The following TARS3 variants were observed in gnomAD, a reference collection of about 807,000 sequenced individuals.
TARS3 encodes threonyl-tRNA synthetase 3.
In TARS3, 94 loss-of-function variants were observed where a neutral mutation model predicts 103.5. That is an observed-to-expected ratio of 0.91 (90% CI 0.77 to 1.08). The LOEUF is 1.08. Ranked by LOEUF, TARS3 falls within the 50% of genes least tolerant of loss-of-function variation. TARS3 has a pLI of 0.00. For synonymous variants in TARS3, 416 were observed against 355.4 expected (o/e 1.17, Z -1.92); for missense variants, 952 against 995.2 (o/e 0.96, Z 0.58).
intron 15 of TARS3, among the ~76,000 whole-genome samples, chr15:101,669,868 C>T (rs1897728897): frequency 6.6e-6 from 1 of 152,202 alleles, no homozygotes; most frequent in Non-Finnish European, 1.5e-5. Context: ...AATCTAGAAA[C>T]AGACCCACAT....
rs531340096 is a variant in TARS3 at position 101,724,098 on chromosome 15, C to T, written c.290G>A (p.Gly97Asp). ...SAELEAAQEA[G>D]AQPPPSQSQD... ...TCCCCACCGCCCGGTTACCTGTGCGCCGGCCTCCTGCGCCGCCTCTAGCTC... is the reference window on the plus strand; with the variant it reads ...TCCCCACCGCCCGGTTACCTGTGCGTCGGCCTCCTGCGCCGCCTCTAGCTC... Residue 97 changes from glycine to aspartate, a missense_variant, in exon 1 of 19, where the codon GGC becomes GAC. Physicochemically the swap from Gly to Asp is moderately conservative, Grantham distance 94 (BLOSUM62 -1). This residue lies in a region of TARS3 where 412 missense variants were observed against 364.2 expected (regional missense o/e 1.13). Transcript: ENST00000335968. The T allele has an allele frequency of 6.6e-6, 9 of 1,368,096 alleles. No individual in the cohort carries two copies. Among genetic ancestry groups the T allele is most frequent in the Non-Finnish European group, 8.5e-6 (9 of 1,062,164 alleles). The allele number at this position is 1,368,096 out of a possible 1,614,324, so 84.7% of individuals were successfully genotyped here.
Position 101,722,642 on chromosome 15 carries a change from T to TAAAA in TARS3, c.369+447_369+450dup, listed in dbSNP as rs35018220. Among the ~76,000 whole-genome samples, 25 of 58,752 alleles carry TAAAA rather than the reference T, an allele frequency of 4.3e-4. 1 individual carries two copies. Among genetic ancestry groups the TAAAA allele is most frequent in the East Asian group, 1.0e-3 (2 of 1,950 alleles). 38.5% of individuals were successfully genotyped at this position (58,752 alleles called of 152,430 possible). The stretch of plus-strand genomic sequence containing the variant: ...TAACACGGTGAAACCCCATCTCTAC[T>TAAAA]AAAAAAAAAAAAAAAAAAAAAAAAA... On this transcript the variant is annotated intron_variant, in intron 2 of 18. Coordinates refer to ENST00000335968, the MANE Select transcript of TARS3 (RefSeq NM_152334.3).
At chr15:101,674,035 A>G (rs192969842) in intron 13 of TARS3, among the ~76,000 whole-genome samples, 1 of 152,344 alleles carries the variant, frequency 6.6e-6, no homozygotes, top group East Asian at 1.9e-4. Context: ...AAATTCCAGA[A>G]ATAAACAACT....
At chr15:101,722,642 TAAAAAAAAAAA>T (rs35018220) in intron 2 of TARS3, among the ~76,000 whole-genome samples, 2 of 58,752 alleles carry the variant, frequency 3.4e-5, no homozygotes, top group Admixed American at 2.5e-4. Context: ...CCATCTCTAC[TAAAAAAAAAAA>T]AAAAAAAAAA....
In TARS3 at chr15:101,717,944, A is replaced by G. The variant is rs189537114; in HGVS notation, c.567-2981T>C. Among the ~76,000 whole-genome samples the G allele has an allele frequency of 3.7e-3, 559 of 152,374 alleles. 3 individuals carry two copies. Among genetic ancestry groups the G allele is most frequent in the African/African-American group, 9.3e-3 (388 of 41,588 alleles). On this transcript the variant is annotated intron_variant, in intron 3 of 18. Transcript: ENST00000335968. ...GCACTGGCTTAACAGACTGGCAGTGAGTAACAAGGAAACAGATTCTAACAT... is the reference window on the plus strand; with the variant it reads ...GCACTGGCTTAACAGACTGGCAGTGGGTAACAAGGAAACAGATTCTAACAT...
chr15:101,676,620 TCCC>T (rs1442002112), intron 12 of TARS3, among the ~76,000 whole-genome samples: 12 of 152,066 alleles, frequency 7.9e-5, no homozygotes, highest in Non-Finnish European at 1.6e-4. Flanking sequence ...TGCCTCAGGC[TCCC>T]GAGTAGCTGG....
chr15:101,655,027 C>T lies in TARS3; in HGVS notation c.2261-297G>A, dbSNP rs8027317. 8.0e-3 allele frequency among the ~76,000 whole-genome samples: 1,150 copies of T among 143,728 alleles called. 9 individuals are homozygous for T. The highest frequency in any genetic ancestry group is 0.029 in the African/African-American group (1,102 of 38,448). The allele number at this position is 143,728 out of a possible 152,430, so 94.3% of individuals were successfully genotyped here. On this transcript the variant is annotated intron_variant, in intron 18 of 18. Coordinates refer to ENST00000335968, the MANE Select transcript of TARS3 (RefSeq NM_152334.3). ...CCTGGCACTAGGGCGCAAATGAGAG[C>T]GGGGAGCTCTTACAGGCTCACAGTG...
At position 101,654,688 on chromosome 15, in the gene TARS3, C is replaced by T. The variant is rs756919167; in HGVS notation, c.2303G>A (p.Arg768Gln). Reference protein sequence around the residue: ...KEKIDNAVNVRTRDNKIHGEI... With the variant: ...KEKIDNAVNVQTRDNKIHGEI... ...TCCATGAATTTTGTTGTCTCTTGTT[C>T]GCACGTTTACAGCATTATCTATCTT... is the stretch of plus-strand genomic sequence containing the variant. The change falls in exon 19 of 19, where the codon CGA becomes CAA. Residue 768 changes from arginine (R) to glutamine (Q), a missense_variant. Physicochemically the swap from Arg to Gln is conservative, Grantham distance 43. This residue lies in a region of TARS3 where 540 missense variants were observed against 631.0 expected (regional missense o/e 0.86). Coordinates refer to ENST00000335968, the MANE Select transcript of TARS3 (RefSeq NM_152334.3). 59 of 1,613,894 alleles carry T rather than the reference C, an allele frequency of 3.7e-5. No individual in the cohort carries two copies. Among genetic ancestry groups the T allele is most frequent in the South Asian group, 3.2e-4 (29 of 91,066 alleles).
At chr15:101,708,588 C>T (rs894018988) in intron 6 of TARS3, among the ~76,000 whole-genome samples, 1 of 152,096 alleles carries the variant, frequency 6.6e-6, no homozygotes, top group Non-Finnish European at 1.5e-5. Flanking sequence ...TGGCCCTTTA[C>T]CTACCTATGT....
rs780660792 is a variant in TARS3, at chr15:101,662,191, G to A, written c.1968-375C>T. On this transcript the variant is annotated intron_variant, in intron 15 of 18. Coordinates refer to ENST00000335968, the MANE Select transcript of TARS3 (RefSeq NM_152334.3). The stretch of plus-strand genomic sequence containing the variant: ...CATTTTTAAAATGTTCCTGATATGT[G>A]TTCTTGAAGTCCACTGGTCAAATTC... Among the ~76,000 whole-genome samples, 32 of 152,074 alleles carry A rather than the reference G, an allele frequency of 2.1e-4. No homozygotes were observed. In the South Asian group the frequency reaches 2.5e-3, roughly 12 times the overall value.
chr15:101,658,311 C>CAAAAAAAAAAAAAAAAAA (rs36121104), intron 16 of TARS3, among the ~76,000 whole-genome samples: 1 of 70,152 alleles, frequency 1.4e-5, no homozygotes, highest in Non-Finnish European at 2.5e-5. Context: ...ACACCATCAG[C>CAAAAAAAAAAAAAAAAAA]AAAAAAAAAA....
intron 10 of TARS3, among the ~76,000 whole-genome samples, chr15:101,692,668 C>T (rs1898778740): frequency 6.6e-6 from 1 of 152,168 alleles, no homozygotes; most frequent in Non-Finnish European, 1.5e-5. Context: ...AGTATTACTA[C>T]TCCATCTCCT....
chr15:101,722,233 TC>T (rs1291016929), intron 2 of TARS3, among the ~76,000 whole-genome samples: 23 of 138,978 alleles, frequency 1.7e-4, no homozygotes, highest in Non-Finnish European at 8.1e-5. Flanking sequence ...TTTTTTTTTT[TC>T]CTTTGAGACA....
At chr15:101,715,803 T>C (rs1426883248) in intron 3 of TARS3, among the ~76,000 whole-genome samples, 4 of 152,296 alleles carry the variant, frequency 2.6e-5, no homozygotes, top group African/African-American at 4.8e-5. Flanking sequence ...CTGTGACTGT[T>C]TTCTGGGAAT....
chr15:101,684,034 CA>C, intron 12 of TARS3, 40 bp downstream of exon 12: 1 of 1,585,564 alleles, frequency 6.3e-7, no homozygotes, highest in East Asian at 2.3e-5. Flanking sequence ...GCATCACACT[CA>C]ATTTGTGACC....
chr15:101,704,305 T>C (rs945758045), intron 7 of TARS3, among the ~76,000 whole-genome samples: 2 of 152,272 alleles, frequency 1.3e-5, no homozygotes, highest in Admixed American at 1.3e-4. Context: ...AACACTCAGA[T>C]GAAGGGAAGG....
At chr15:101,687,255 T>A (rs528402049) in intron 10 of TARS3, among the ~76,000 whole-genome samples, 4 of 151,798 alleles carry the variant, frequency 2.6e-5, no homozygotes, top group Non-Finnish European at 5.9e-5. Context: ...ATACAAAAAT[T>A]AGCCAGGCGT....
At chr15:101,687,331 A>G (rs1213367492) in intron 10 of TARS3, among the ~76,000 whole-genome samples, 1 of 152,206 alleles carries the variant, frequency 6.6e-6, no homozygotes, top group Non-Finnish European at 1.5e-5. Context: ...TGAACCCAGG[A>G]GGCAGAGGTT....
chr15:101,671,780 T>G (rs1897816483), intron 13 of TARS3, 32 bp from the exon 14 acceptor site: 1 of 1,570,592 alleles, frequency 6.4e-7, no homozygotes, highest in Non-Finnish European at 8.7e-7. Context: ...GATACAATTA[T>G]ACACTGTATC....
Sources: gnomAD v4.1 joint callset for allele counts (sites outside exome capture counted in the v4.1 genomes callset) on GRCh38, gnomAD v4.1.1 for gene constraint, gnomAD v4.1.1 regional missense constraint, MANE v1.5 for transcripts, NCBI Gene and HGNC (gene_info 2026-07-23, HGNC 2026-07-21) for gene names.